MARK4: variants seen among roughly 807,000 people sequenced by gnomAD.
MARK4 encodes the protein microtubule affinity regulating kinase 4.
MARK4 carries 19 observed loss-of-function variants against 81.5 expected under a neutral mutation model. That is an observed-to-expected ratio of 0.23 (90% CI 0.16 to 0.34). The LOEUF (loss-of-function observed/expected upper bound fraction) is 0.34. MARK4 is among the 10% of genes least tolerant of loss of function. The pLI is 1.00. For synonymous variants in MARK4, 436 were observed against 439.0 expected, an observed-to-expected ratio of 0.99 and a Z score of 0.08; for missense variants, 772 against 1,058.8, an observed-to-expected ratio of 0.73 and a Z score of 3.76.
intron 7 of MARK4, among the ~76,000 whole-genome samples, chr19:45,270,622 C>T (rs1016724637): frequency 6.6e-6 from 1 of 152,004 alleles, no homozygotes. Flanking sequence ...TTTTTTGAGA[C>T]AAGTTCTCAC....
At chr19:45,291,783 A>G (rs1271119418) in intron 13 of MARK4, among the ~76,000 whole-genome samples, 1 of 152,114 alleles carries the variant, frequency 6.6e-6, no homozygotes, top group Non-Finnish European at 1.5e-5. Context: ...CTCTGTCTCA[A>G]AACAAAACAA....
chr19:45,279,359 A>G (rs1430781239), intron 10 of MARK4, among the ~76,000 whole-genome samples: 1 of 152,204 alleles, frequency 6.6e-6, no homozygotes, highest in Non-Finnish European at 1.5e-5. Context: ...TCTACTAAGA[A>G]TACAAAAATT....
intron 16 of MARK4, 23 bp downstream of exon 16, chr19:45,299,878 G>C: frequency 6.3e-7 from 1 of 1,583,490 alleles, no homozygotes; most frequent in South Asian, 1.1e-5. Context: ...GCCTACCCCT[G>C]ACTGCCACTT....
chr19:45,275,345 C>T (rs1250175490), intron 8 of MARK4, among the ~76,000 whole-genome samples: 2 of 152,098 alleles, frequency 1.3e-5, no homozygotes, highest in Admixed American at 6.6e-5. Context: ...ATTAGCCTGG[C>T]ATTGTGGTGC....
At chr19:45,288,913 G>T (rs550271501) in intron 13 of MARK4, among the ~76,000 whole-genome samples, 8 of 150,152 alleles carry the variant, frequency 5.3e-5, no homozygotes, top group South Asian at 2.1e-4. Context: ...AGCTCTTCCG[G>T]CATCTACATT....
Position 45,280,589 on chromosome 19 carries a change from G to T in MARK4, c.1131G>T (p.Arg377=), listed in dbSNP as rs150583893. The part of the protein sequence containing the change: ...LGRKTEEGGD[R]GAPGLALARV... ...TCCTCTCGCAGGAGGGTGGGGACCG[G>T]GGCGCCCCAGGGCTGGCCCTGGCAC... Residue 377 remains arginine, a synonymous_variant, in exon 12 of 17, where the codon CGG becomes CGT. Coordinates refer to ENST00000262891, the MANE Select transcript of MARK4 (RefSeq NM_001199867.2). 135 of 1,613,732 alleles carry T rather than the reference G, an allele frequency of 8.4e-5. No individual in the cohort carries two copies. The East Asian group carries it at 3.0e-3, about 36-fold the overall frequency.
chr19:45,299,717 G>T, intron 15 of MARK4, 94 bp from the exon 16 acceptor site: 1 of 1,158,978 alleles, frequency 8.6e-7, no homozygotes, highest in South Asian at 1.9e-5. Flanking sequence ...CTGGGGTTGA[G>T]GCAGGGGCTG....
Position 45,263,385 on chromosome 19 carries a change from G to A in MARK4, c.355+18G>A. 1.2e-6 allele frequency: 2 copies of A among 1,614,136 alleles called. No homozygotes were observed. Among genetic ancestry groups the A allele is most frequent in the Non-Finnish European group, 1.7e-6 (2 of 1,179,998 alleles). On this transcript the variant is annotated intron_variant, in intron 4 of 16. Coordinates refer to ENST00000262891, the MANE Select transcript of MARK4 (RefSeq NM_001199867.2). ...CAACATCGGTGAGGAGGGAATGGGAGCAGGGGCAGGCCACCAACTGGAACA... is the reference window on the plus strand; with the variant it reads ...CAACATCGGTGAGGAGGGAATGGGAACAGGGGCAGGCCACCAACTGGAACA...
At chr19:45,264,798 C>G (rs764254824) in intron 5 of MARK4, 42 bp from the exon 6 acceptor site, 3 of 1,613,840 alleles carry the variant, frequency 1.9e-6, no homozygotes, top group Non-Finnish European at 1.7e-6. Flanking sequence ...CTCCCCCTGC[C>G]GCTGCACCTG....
At chr19:45,299,986 G>GC in intron 16 of MARK4, 131 bp downstream of exon 16, 1 of 732,834 alleles carries the variant, frequency 1.4e-6, no homozygotes, top group South Asian at 3.3e-5. Flanking sequence ...ATGCCCTGTG[G>GC]CCCCAGCCTT....
chr19:45,287,402 G>T, intron 12 of MARK4, 45 bp from the exon 13 acceptor site: 1 of 1,317,198 alleles, frequency 7.6e-7, no homozygotes, highest in Non-Finnish European at 1.0e-6. Context: ...GTCAGTTCTG[G>T]GTTTCCGTGG....
Position 45,299,839 on chromosome 19 carries a change from G to C in MARK4, c.1906G>C (p.Gly636Arg). ...CGCAGACGAACCTGAGAGAATCGGG[G>C]GACCTGAGGTCACAAGGTGAGTGCT... is the stretch of plus-strand genomic sequence containing the variant. Reference protein sequence around the residue: ...RVADEPERIGGPEVTSCHLPW... With the variant: ...RVADEPERIGRPEVTSCHLPW... Residue 636 changes from glycine to arginine, a missense_variant, in exon 16 of 17, where the codon GGA (glycine) becomes CGA (arginine). Transcript: ENST00000262891. 6.2e-7 allele frequency: 1 copy of C among 1,605,212 alleles called. No individual in the cohort carries two copies. The highest frequency in any genetic ancestry group is 8.5e-7 in the Non-Finnish European group (1 of 1,174,164).
At chr19:45,277,783 A>C in intron 8 of MARK4, 140 bp from the exon 9 acceptor site, 1 of 1,008,998 alleles carries the variant, frequency 9.9e-7, no homozygotes, top group Non-Finnish European at 1.4e-6. Flanking sequence ...ACTGGGACTC[A>C]GAGCTTCTGT....
At position 45,303,902 on chromosome 19, in the gene MARK4, C is replaced by CT. The variant is rs1296332356; in HGVS notation, c.*1193dup. ...GAGTTAGTTAGGCATTGAGTTTGCC[C>CT]TGGGCAAAAGCCCAGAAGTGGGAGT... On this transcript the variant is annotated 3_prime_UTR_variant, in exon 17 of 17. Coordinates refer to ENST00000262891, the MANE Select transcript of MARK4 (RefSeq NM_001199867.2). 1 of 152,216 alleles carries CT rather than the reference C, an allele frequency of 6.6e-6. No individual in the cohort carries two copies. Among genetic ancestry groups the CT allele is most frequent in the Non-Finnish European group, 1.5e-5 (1 of 68,052 alleles). 9.4% of individuals were successfully genotyped at this position (152,216 alleles called of 1,614,324 possible).
At chr19:45,299,527 TTCTC>T (rs1164828524) in intron 15 of MARK4, among the ~76,000 whole-genome samples, 1 of 152,200 alleles carries the variant, frequency 6.6e-6, no homozygotes, top group Admixed American at 6.5e-5. Flanking sequence ...GTCTCTCTCT[TTCTC>T]TCTGTGGCCA....
chr19:45,283,430 A>G (rs1452370088), intron 12 of MARK4, among the ~76,000 whole-genome samples: 1 of 131,752 alleles, frequency 7.6e-6, no homozygotes, highest in Non-Finnish European at 1.7e-5. Flanking sequence ...AAAAAAAAAA[A>G]AAAAAATCAA....
chr19:45,259,983 A>G (rs184320806), intron 2 of MARK4, among the ~76,000 whole-genome samples: 12 of 152,118 alleles, frequency 7.9e-5, no homozygotes, highest in Admixed American at 7.9e-4. Context: ...GCTGCTCAGT[A>G]GGCTGAGCCA....
intron 7 of MARK4, among the ~76,000 whole-genome samples, chr19:45,268,491 TG>T (rs1970483978): frequency 6.7e-6 from 1 of 150,366 alleles, no homozygotes; most frequent in African/African-American, 2.5e-5. Flanking sequence ...GGCTGAGACA[TG>T]AGAATTGCTT....
intron 16 of MARK4, among the ~76,000 whole-genome samples, chr19:45,300,335 A>C: frequency 1.0e-5 from 1 of 97,978 alleles, no homozygotes; most frequent in African/African-American, 3.9e-5. Flanking sequence ...CAAGAGTGAA[A>C]CTCCGTCTGA....
Sources: allele counts gnomAD v4.1 joint callset (sites outside exome capture counted in the v4.1 genomes callset), GRCh38; gene constraint gnomAD v4.1.1; transcripts MANE v1.5; gene names NCBI Gene and HGNC (gene_info 2026-07-23, HGNC 2026-07-21).